ZDHHC21: variants seen among roughly 807,000 people sequenced by gnomAD.
ZDHHC21 encodes zDHHC palmitoyltransferase 21, also known as palmitoyltransferase ZDHHC21.
Under a neutral mutation model 34.6 loss-of-function variants are expected in ZDHHC21, and 15 were observed. The observed-to-expected ratio is 0.43, with a 90% confidence interval of 0.29 to 0.67. ZDHHC21 has a LOEUF of 0.67. Among genes scored for constraint, ZDHHC21 ranks in the 30% least tolerant of loss-of-function variants. The probability of loss-of-function intolerance (pLI) is 0.14; values close to 1 mark genes in which losing one functional copy is unlikely to be tolerated. For synonymous variants in ZDHHC21, 142 were observed against 101.8 expected (o/e 1.40, Z -2.38); for missense variants, 344 against 327.7 (o/e 1.05, Z -0.38).
intron 2 of ZDHHC21, among the ~76,000 whole-genome samples, chr9:14,686,323 G>C (rs965794372): frequency 6.6e-6 from 1 of 152,016 alleles, no homozygotes; most frequent in Admixed American, 6.6e-5. Flanking sequence ...GGGAGCAAAG[G>C]GCAGACTAGG....
intron 8 of ZDHHC21, among the ~76,000 whole-genome samples, chr9:14,637,104 A>G (rs1360434678): frequency 1.3e-5 from 2 of 152,058 alleles, no homozygotes; most frequent in South Asian, 2.1e-4. Context: ...CAAAGAAGCA[A>G]TAAGACAAAA....
chr9:14,666,126 T>C (rs1291272735), intron 5 of ZDHHC21, among the ~76,000 whole-genome samples: 3 of 143,778 alleles, frequency 2.1e-5, no homozygotes, highest in Non-Finnish European at 3.1e-5. Flanking sequence ...GAGACACACA[T>C]AGGCTCAAAA....
Position 14,674,108 on chromosome 9 carries a change from A to T in ZDHHC21, c.154+79T>A, listed in dbSNP as rs544582550. On this transcript the variant is annotated intron_variant, in intron 4 of 9. Transcript: ENST00000380916. ...TACTAAATATATTAAAAGGAAAGTT[A>T]TCATAGTGGCACTACACCCCAAAAA... 13 of 890,302 alleles carry T rather than the reference A, an allele frequency of 1.5e-5. No homozygotes were observed. The South Asian group carries it at 2.2e-4, about 15-fold the overall frequency. The allele number at this position is 890,302 out of a possible 1,614,324, so 55.2% of individuals were successfully genotyped here. A position where few individuals can be genotyped will look rare whatever the true frequency, so the allele number is the denominator to read the frequency against.
At position 14,663,414 on chromosome 9, in the gene ZDHHC21, CA is replaced by C. The variant is rs770699619; in HGVS notation, c.254-1089del. ...TGCTGACATATGAAAAGTCTAAAAT[CA>C]AAAAATGAAAGATTCTAAATAAAAG... On this transcript the variant is annotated intron_variant, in intron 5 of 9. Transcript: ENST00000380916. 1.4e-4 allele frequency among the ~76,000 whole-genome samples: 20 copies of C among 145,930 alleles called. No individual in the cohort carries two copies. The East Asian group carries it at 4.0e-3, about 29-fold the overall frequency.
intron 3 of ZDHHC21, chr9:14,677,243 G>C (rs1004449602): frequency 6.6e-6 from 1 of 151,762 alleles, no homozygotes; most frequent in Non-Finnish European, 1.5e-5. Flanking sequence ...GTGAGCACAG[G>C]ATAGAAAAAT....
chr9:14,672,446 T>C (rs1031903728), intron 5 of ZDHHC21, among the ~76,000 whole-genome samples: 3 of 152,084 alleles, frequency 2.0e-5, no homozygotes, highest in Non-Finnish European at 4.4e-5. Context: ...AAATTATCTC[T>C]GTACATAGAT....
intron 8 of ZDHHC21, among the ~76,000 whole-genome samples, chr9:14,637,247 T>C (rs1828471642): frequency 6.6e-6 from 1 of 151,896 alleles, no homozygotes; most frequent in African/African-American, 2.4e-5. Flanking sequence ...AATACAAAGA[T>C]TATCAAAGAT....
intron 5 of ZDHHC21, among the ~76,000 whole-genome samples, chr9:14,665,559 A>G (rs1248701936): frequency 6.6e-6 from 1 of 151,556 alleles, no homozygotes; most frequent in Non-Finnish European, 1.5e-5. Flanking sequence ...GATTCACCAA[A>G]GTTGAAATGA....
chr9:14,647,009 C>T (rs1409751961), intron 7 of ZDHHC21, among the ~76,000 whole-genome samples: 1 of 152,066 alleles, frequency 6.6e-6, no homozygotes, highest in African/African-American at 2.4e-5. Flanking sequence ...GGACAAAGAA[C>T]TGTCTCTTCC....
At chr9:14,626,867 T>G (rs1404671889) in intron 8 of ZDHHC21, among the ~76,000 whole-genome samples, 1 of 152,068 alleles carries the variant, frequency 6.6e-6, no homozygotes. Flanking sequence ...CTATAAAATC[T>G]TTCATATAAT....
intron 3 of ZDHHC21, among the ~76,000 whole-genome samples, chr9:14,676,677 G>T (rs1836441624): frequency 6.6e-6 from 1 of 151,896 alleles, no homozygotes; most frequent in East Asian, 1.9e-4. Flanking sequence ...AGACAGATTG[G>T]TATCATTAAA....
chr9:14,599,668 C>T, the ZDHHC21 span, among the ~76,000 whole-genome samples: 2 of 152,024 alleles, frequency 1.3e-5, no homozygotes, highest in Non-Finnish European at 2.9e-5. Context: ...CAGTGAATCA[C>T]ACCCCCACAG....
intron 5 of ZDHHC21, among the ~76,000 whole-genome samples, chr9:14,672,591 G>A (rs1412955854): frequency 2.6e-5 from 4 of 151,948 alleles, no homozygotes; most frequent in African/African-American, 7.3e-5. Flanking sequence ...CAATTACCAT[G>A]AGGATCATAT....
chr9:14,681,975 C>T (rs1037444789), intron 2 of ZDHHC21, among the ~76,000 whole-genome samples: 1 of 152,074 alleles, frequency 6.6e-6, no homozygotes, highest in Non-Finnish European at 1.5e-5. Context: ...AAATCCTTTA[C>T]AGACAAGCAA....
At chr9:14,673,603 G>A (rs564701910) in intron 4 of ZDHHC21, among the ~76,000 whole-genome samples, 32 of 151,026 alleles carry the variant, frequency 2.1e-4, no homozygotes, top group African/African-American at 7.0e-4. Flanking sequence ...GCATAGTACC[G>A]GTCAGTTTTA....
At chr9:14,639,375 G>C (rs1383981067) in intron 8 of ZDHHC21, among the ~76,000 whole-genome samples, 1 of 151,992 alleles carries the variant, frequency 6.6e-6, no homozygotes, top group Admixed American at 6.6e-5. Flanking sequence ...TGGGTGGAGC[G>C]GGGGACGAAG....
chr9:14,691,002 T>C (rs796098364), intron 1 of ZDHHC21, among the ~76,000 whole-genome samples: 4 of 152,326 alleles, frequency 2.6e-5, no homozygotes, highest in African/African-American at 9.6e-5. Context: ...AAAGTAAAAC[T>C]GAATTTAGGG....
At chr9:14,591,010 C>T in the ZDHHC21 span, among the ~76,000 whole-genome samples, 2 of 151,966 alleles carry the variant, frequency 1.3e-5, no homozygotes, top group African/African-American at 4.8e-5. Flanking sequence ...TGTGTTTTTA[C>T]ATTATACTTG....
At position 14,642,350 on chromosome 9, in the gene ZDHHC21, T is replaced by G. The variant is rs1272474319; in HGVS notation, c.505-2338A>C. 3.3e-5 allele frequency among the ~76,000 whole-genome samples: 5 copies of G among 152,172 alleles called. No homozygotes were observed. The East Asian group carries it at 9.6e-4, about 29-fold the overall frequency. On this transcript the variant is annotated intron_variant, in intron 7 of 9. Coordinates refer to ENST00000380916, the MANE Select transcript of ZDHHC21 (RefSeq NM_178566.6). ...ACTTCTGTCTTAGATTTTTTTAGAT[T>G]TAACACTTTTTGAATCCAAAAATTG...
Sources: gnomAD v4.1 joint callset for allele counts (sites outside exome capture counted in the v4.1 genomes callset) on GRCh38, gnomAD v4.1.1 for gene constraint, MANE v1.5 for transcripts, NCBI Gene and HGNC (gene_info 2026-07-23, HGNC 2026-07-21) for gene names.